Variants in EML2 observed in about 807,000 individuals in gnomAD.
EML2 encodes echinoderm microtubule-associated protein-like 2.
In EML2, 59 loss-of-function variants were observed where a neutral mutation model predicts 84.7. The ratio of observed to expected loss-of-function variants is 0.70; its 90% CI spans 0.56 to 0.86. The LOEUF is 0.86. Ranked by LOEUF, EML2 falls within the 40% of genes least tolerant of loss-of-function variation. The pLI is 0.00. For missense variants in EML2, 818 were observed against 855.6 expected, an observed-to-expected ratio of 0.96 and a Z score of 0.55; for synonymous variants, 352 against 348.9, an observed-to-expected ratio of 1.01 and a Z score of -0.10.
chr19:45,621,682 T>A, intron 9 of EML2, 45 bp from the exon 10 acceptor site: 1 of 1,577,980 alleles, frequency 6.3e-7, no homozygotes, highest in South Asian at 1.1e-5. Context: ...AAGCCACCCC[T>A]ATGCTGACCC....
At chr19:45,621,665 C>G in intron 9 of EML2, 28 bp from the exon 10 acceptor site, 2 of 1,598,580 alleles carry the variant, frequency 1.3e-6, no homozygotes, top group Non-Finnish European at 8.5e-7. Context: ...GCAGGGTCAA[C>G]AGGGAGAAGC....
At chr19:45,638,981 G>A (rs1249557166) in intron 1 of EML2, 108 bp from the exon 2 acceptor site, 2 of 1,354,766 alleles carry the variant, frequency 1.5e-6, no homozygotes, top group Non-Finnish European at 2.1e-6. Context: ...CGATGAAAAC[G>A]GGGCCGAGTA....
intron 4 of EML2, among the ~76,000 whole-genome samples, chr19:45,633,626 C>T (rs1482941948): frequency 2.0e-5 from 3 of 152,090 alleles, no homozygotes; most frequent in South Asian, 4.1e-4. Flanking sequence ...GTAGTTCCAG[C>T]TACTCGGGAG....
chr19:45,618,952 A>T (rs79875604), intron 12 of EML2, 108 bp downstream of exon 12: 1 of 1,051,400 alleles, frequency 9.5e-7, no homozygotes, highest in African/African-American at 1.7e-5. Flanking sequence ...ACCTCGAAGA[A>T]AAAAAAAAAA....
chr19:45,641,984 G>A (rs1308033971), upstream of EML2: 3 of 1,445,532 alleles, frequency 2.1e-6, no homozygotes, highest in Non-Finnish European at 2.7e-6. Flanking sequence ...CACGCGCCGC[G>A]GGGGTCCCGA....
At position 45,621,543 on chromosome 19, in the gene EML2, C is replaced by A. The variant is rs745330975; in HGVS notation, c.936G>T (p.Gly312=). 6.2e-7 allele frequency: 1 copy of A among 1,612,934 alleles called. No individual in the cohort carries two copies. The highest frequency in any genetic ancestry group is 8.5e-7 in the Non-Finnish European group (1 of 1,179,990). ...ALRDGTLVSG[G]GRDRRVVLWG... is the part of the protein sequence containing the mutation. ...AGAGGACCACCCGCCGATCACGGCCCCCTCCAGACACCAGCGTCCCGTCCC... is the reference window on the plus strand; with the variant it reads ...AGAGGACCACCCGCCGATCACGGCCACCTCCAGACACCAGCGTCCCGTCCC... The change falls in exon 10 of 19, where the codon GGG becomes GGT. Residue 312 remains glycine (G), a synonymous_variant. Transcript: ENST00000245925.
At chr19:45,641,390 A>G (rs922252661), upstream of EML2, 15 of 453,078 alleles carry the variant, frequency 3.3e-5, no homozygotes, top group Non-Finnish European at 5.6e-5. Flanking sequence ...TGACTTCCTC[A>G]CCCAGTAGAC....
intron 12 of EML2, among the ~76,000 whole-genome samples, chr19:45,618,174 C>T (rs3786825): frequency 0.062 from 9,470 of 151,978 alleles, 638 homozygotes; most frequent in African/African-American, 0.16. Context: ...AGCGATTCTC[C>T]TGGCTCAGCC....
At position 45,634,486 on chromosome 19, in the gene EML2, G is replaced by A; in HGVS notation, c.180-15C>T. On this transcript the variant is annotated splice_polypyrimidine_tract_variant and intron_variant, in intron 3 of 18. Coordinates refer to ENST00000245925, the MANE Select transcript of EML2 (RefSeq NM_012155.4). ...GGTAGCCATAGCTGGAGCCACCCAG[G>A]GGCTGGTTAAGGAATGTGTTTTGTT... The A allele has an allele frequency of 1.2e-6, 2 of 1,605,766 alleles. No individual in the cohort carries two copies. Among genetic ancestry groups the A allele is most frequent in the Non-Finnish European group, 1.7e-6 (2 of 1,175,974 alleles).
chr19:45,616,431 G>A (rs765878588), intron 15 of EML2, 30 bp downstream of exon 15: 8 of 1,538,952 alleles, frequency 5.2e-6, no homozygotes, highest in Non-Finnish European at 5.3e-6. Context: ...GCGGGGTGGC[G>A]GCGCGGGCTG....
At chr19:45,612,767 A>G (rs1194188503) in intron 18 of EML2, among the ~76,000 whole-genome samples, 2 of 152,234 alleles carry the variant, frequency 1.3e-5, no homozygotes, top group Non-Finnish European at 2.9e-5. Context: ...GAACATGGGT[A>G]ACAGGTACAG....
At chr19:45,611,685 A>G (rs1047014114) in intron 18 of EML2, among the ~76,000 whole-genome samples, 1 of 151,942 alleles carries the variant, frequency 6.6e-6, no homozygotes, top group African/African-American at 2.4e-5. Flanking sequence ...ACGGGGTTTC[A>G]CCATGTTGGC....
chr19:45,637,225 A>ACCGG (rs1973828970), intron 3 of EML2, among the ~76,000 whole-genome samples: 1 of 152,302 alleles, frequency 6.6e-6, no homozygotes, highest in Admixed American at 6.5e-5. Context: ...GCAGACAAGG[A>ACCGG]CCGGGTTCCT....
At chr19:45,641,962 G>A, upstream of EML2, 1 of 1,444,740 alleles carries the variant, frequency 6.9e-7, no homozygotes, top group Non-Finnish European at 9.1e-7. Context: ...ATGGGGACGT[G>A]GCATAGCCAC....
chr19:45,645,507 A>T (rs1272552290), upstream of EML2: 2 of 1,350,660 alleles, frequency 1.5e-6, no homozygotes, highest in Admixed American at 3.3e-5. Context: ...GGTCATCCCC[A>T]GGATGCCCAG....
chr19:45,609,914 G>A, intron 18 of EML2, 126 bp from the exon 19 acceptor site: 4 of 1,158,036 alleles, frequency 3.5e-6, no homozygotes, highest in Non-Finnish European at 4.7e-6. Flanking sequence ...ATCACTTAGA[G>A]TGAAGTCACT....
chr19:45,613,497 C>T, intron 18 of EML2, 44 bp downstream of exon 18: 1 of 1,604,744 alleles, frequency 6.2e-7, no homozygotes, highest in South Asian at 1.1e-5. Flanking sequence ...GTCCCCACCC[C>T]TGCTTGCTAC....
upstream of EML2, chr19:45,641,902 C>T (rs1344543907): frequency 8.3e-6 from 12 of 1,446,980 alleles, no homozygotes; most frequent in Non-Finnish European, 1.1e-5. Context: ...CTGGGGGTCC[C>T]GGCCTTGTGC....
At chr19:45,615,763 G>A (rs1225765390) in intron 16 of EML2, 39 bp downstream of exon 16, 1 of 1,544,166 alleles carries the variant, frequency 6.5e-7, no homozygotes, top group Non-Finnish European at 9.0e-7. Flanking sequence ...CTGCAAATGA[G>A]ACGGAGGAAG....
Sources: gnomAD v4.1 joint callset for allele counts (sites outside exome capture counted in the v4.1 genomes callset) on GRCh38, gnomAD v4.1.1 for gene constraint, MANE v1.5 for transcripts, NCBI Gene and HGNC (gene_info 2026-07-23, HGNC 2026-07-21) for gene names.